CCR9: variants seen among roughly 807,000 people sequenced by gnomAD.
CCR9 encodes C-C chemokine receptor type 9.
CCR9 carries 4 observed loss-of-function variants against 8.7 expected under a neutral mutation model. That is an observed-to-expected ratio of 0.46 (90% confidence interval 0.23 to 1.06). The LOEUF (loss-of-function observed/expected upper bound fraction) is 1.06, where lower values mean the gene tolerates loss of function less well. Among genes scored for constraint, CCR9 ranks in the 50% least tolerant of loss-of-function variants. CCR9 has a pLI of 0.21. For missense variants in CCR9, 394 were observed against 453.6 expected, an observed-to-expected ratio of 0.87 and a Z score of 1.19; for synonymous variants, 159 against 168.8, an observed-to-expected ratio of 0.94 and a Z score of 0.45.
At chr3:45,891,779 G>A (rs1404274941) in intron 1 of CCR9, among the ~76,000 whole-genome samples, 1 of 152,088 alleles carries the variant, frequency 6.6e-6, no homozygotes, top group East Asian at 1.9e-4. Flanking sequence ...ACCTGAGATG[G>A]TTTCTCAGTT....
At chr3:45,896,234 C>T (rs1334748019) in intron 2 of CCR9, among the ~76,000 whole-genome samples, 1 of 152,242 alleles carries the variant, frequency 6.6e-6, no homozygotes, top group Non-Finnish European at 1.5e-5. Flanking sequence ...GCCAGGGCTG[C>T]TTCTGAGCTT....
intron 2 of CCR9, chr3:45,897,660 G>C (rs1402967060): frequency 6.7e-7 from 1 of 1,492,254 alleles, no homozygotes; most frequent in Non-Finnish European, 9.0e-7. Flanking sequence ...AAGTGATGCT[G>C]GCCTTCCCAC....
At chr3:45,886,946 G>A (rs914816522) in intron 1 of CCR9, among the ~76,000 whole-genome samples, 1 of 152,188 alleles carries the variant, frequency 6.6e-6, no homozygotes, top group Non-Finnish European at 1.5e-5. Context: ...GGTGCTGGGG[G>A]ACAAGATGGT....
chr3:45,892,857 A>G (rs1277910714), intron 1 of CCR9, among the ~76,000 whole-genome samples: 1 of 152,168 alleles, frequency 6.6e-6, no homozygotes, highest in Admixed American at 6.5e-5. Context: ...TACCAGGAGG[A>G]AGTTCTGGTT....
intron 2 of CCR9, chr3:45,897,444 C>T (rs985433680): frequency 1.2e-4 from 90 of 720,462 alleles, no homozygotes; most frequent in Admixed American, 3.9e-4. Context: ...ACACAATGTC[C>T]TTGTCTGGGA....
intron 1 of CCR9, among the ~76,000 whole-genome samples, chr3:45,889,233 C>T (rs1702071744): frequency 6.6e-6 from 1 of 152,204 alleles, no homozygotes; most frequent in African/African-American, 2.4e-5. Context: ...GATGCTCCCA[C>T]CTCAGCCTCC....
intron 2 of CCR9, 143 bp downstream of exon 2, chr3:45,895,097 C>T: frequency 1.1e-6 from 1 of 871,688 alleles, no homozygotes; most frequent in Non-Finnish European, 1.9e-6. Context: ...ATGCGCATTG[C>T]TGGGTAGGTT....
rs192956180 is a variant in CCR9, at chr3:45,895,437, G to A, written c.21+483G>A. On this transcript the variant is annotated intron_variant, in intron 2 of 2. Coordinates refer to ENST00000357632, the MANE Select transcript of CCR9 (RefSeq NM_031200.3). ...CAAAAATTAGTGAGTCAGTCTGGGCGTGGTAGCTCACGCCTGTAATCCCAG... is the reference window on the plus strand; with the variant it reads ...CAAAAATTAGTGAGTCAGTCTGGGCATGGTAGCTCACGCCTGTAATCCCAG... 1.1e-3 allele frequency among the ~76,000 whole-genome samples: 167 copies of A among 152,336 alleles called. 1 individual carries two copies. Among genetic ancestry groups the A allele is most frequent in the Non-Finnish European group, 9.6e-4 (65 of 68,032 alleles).
rs551519522 is a variant in CCR9, at chr3:45,891,980, G to A, written c.-28-2926G>A. 2.0e-5 allele frequency among the ~76,000 whole-genome samples: 3 copies of A among 152,214 alleles called. No homozygotes were observed. In the South Asian group the frequency reaches 6.2e-4, roughly 32 times the overall value. On this transcript the variant is annotated intron_variant, in intron 1 of 2. Coordinates refer to ENST00000357632, the MANE Select transcript of CCR9 (RefSeq NM_031200.3). Reference sequence around the variant, plus strand: ...TGGTTTGCTTCCATGTTGGTGGTATGGGGTTTGAAGACCAACTTAGCTGGT... The same window carrying A: ...TGGTTTGCTTCCATGTTGGTGGTATAGGGTTTGAAGACCAACTTAGCTGGT...
chr3:45,900,194 G>A lies in CCR9; in HGVS notation c.22-616G>A, dbSNP rs1190395513. On this transcript the variant is annotated intron_variant, in intron 2 of 2. Transcript: ENST00000357632. This position sits in a 1 kb window ranked among gnomAD's most constrained non-coding sequence, Gnocchi z 4.7. ...AAATTCCTAATAATTTTTGGACCAC[G>A]GGTCCTGCTAACTATAGAGCAGGTC... Among the ~76,000 whole-genome samples, 8 of 152,004 alleles carry A rather than the reference G, an allele frequency of 5.3e-5. No individual in the cohort carries two copies. Among genetic ancestry groups the A allele is most frequent in the South Asian group, 2.1e-4 (1 of 4,818 alleles).
intron 2 of CCR9, among the ~76,000 whole-genome samples, chr3:45,897,975 C>CAA (rs72284250): frequency 0.018 from 1,865 of 105,872 alleles, 38 homozygotes; most frequent in Non-Finnish European, 0.023. Context: ...GCTATTTGAC[C>CAA]AAAAAAAAAA....
At chr3:45,889,404 C>A (rs569816156) in intron 1 of CCR9, among the ~76,000 whole-genome samples, 2 of 152,044 alleles carry the variant, frequency 1.3e-5, no homozygotes, top group African/African-American at 4.8e-5. Context: ...GCTCTTTCTG[C>A]GGTAGCTGGA....
Position 45,900,050 on chromosome 3 carries a change from A to G in CCR9, c.22-760A>G, listed in dbSNP as rs1275123650. ...GCAAGTGCATGTATTATGTGTATGCATGTACATATGAGTGTGTGTGCTTGT... is the reference window on the plus strand; with the variant it reads ...GCAAGTGCATGTATTATGTGTATGCGTGTACATATGAGTGTGTGTGCTTGT... On this transcript the variant is annotated intron_variant, in intron 2 of 2. Transcript: ENST00000357632. This position sits in a 1 kb window ranked among gnomAD's most constrained non-coding sequence, Gnocchi z 4.7. 6.6e-6 allele frequency among the ~76,000 whole-genome samples: 1 copy of G among 152,196 alleles called. No individual in the cohort carries two copies. The highest frequency in any genetic ancestry group is 1.5e-5 in the Non-Finnish European group (1 of 68,036).
intron 2 of CCR9, among the ~76,000 whole-genome samples, chr3:45,896,363 G>A (rs563262531): frequency 1.6e-4 from 24 of 152,318 alleles, no homozygotes; most frequent in African/African-American, 5.1e-4. Flanking sequence ...GGAGTCTGGC[G>A]CCATCTAAAT....
rs1197978093 is a variant in CCR9, at chr3:45,900,725, G to C, written c.22-85G>C. 4 of 1,397,156 alleles carry C rather than the reference G, an allele frequency of 2.9e-6. No individual in the cohort carries two copies. In the African/African-American group the frequency reaches 5.7e-5, roughly 20 times the overall value. 86.5% of individuals were successfully genotyped at this position (1,397,156 alleles called of 1,614,324 possible). ...TTATCATAGGTGTTTGGGGTTGGAA[G>C]GGTCAAGAGGTCCATGCCTCTGCCA... On this transcript the variant is annotated intron_variant, in intron 2 of 2. Coordinates refer to ENST00000357632, the MANE Select transcript of CCR9 (RefSeq NM_031200.3). The surrounding 1 kb of genome is among the most constrained non-coding windows in gnomAD (Gnocchi z 4.7).
chr3:45,898,765 C>T (rs774912317), intron 2 of CCR9, among the ~76,000 whole-genome samples: 1 of 152,228 alleles, frequency 6.6e-6, no homozygotes, highest in Non-Finnish European at 1.5e-5. Context: ...CAAACACACA[C>T]ACAACAGGTT....
In CCR9 at chr3:45,901,451, G is replaced by A. The variant is rs1702554792; in HGVS notation, c.663G>A (p.Leu221=). The A allele has an allele frequency of 3.7e-6, 6 of 1,614,100 alleles. No individual in the cohort carries two copies. Among genetic ancestry groups the A allele is most frequent in the Non-Finnish European group, 5.1e-6 (6 of 1,180,014 alleles). Residue 221 remains leucine (L), a synonymous_variant, in exon 3 of 3, where the codon CTG becomes CTA. Transcript: ENST00000357632. The surrounding 1 kb of genome is among the most constrained non-coding windows in gnomAD (Gnocchi z 4.3). The part of the protein sequence containing the change: ...KSAVLTLKVI[L]GFFLPFVVMA... ...CTGTCTTGACCCTGAAGGTCATTCT[G>A]GGGTTCTTCCTTCCCTTCGTGGTCA...
chr3:45,887,859 G>A (rs1364262849), intron 1 of CCR9, among the ~76,000 whole-genome samples: 3 of 152,188 alleles, frequency 2.0e-5, no homozygotes, highest in East Asian at 1.9e-4. Flanking sequence ...ACCCTGCCTC[G>A]TGTAGGGAAC....
intron 2 of CCR9, 165 bp downstream of exon 2, chr3:45,895,119 C>T: frequency 1.4e-6 from 1 of 732,184 alleles, no homozygotes; most frequent in South Asian, 1.6e-5. Flanking sequence ...TTGTCCAGCA[C>T]AGAGGGTTTT....
Sources: allele counts gnomAD v4.1 joint callset (sites outside exome capture counted in the v4.1 genomes callset), GRCh38; gene constraint gnomAD v4.1.1; non-coding constraint Gnocchi (gnomAD v3.1); transcripts MANE v1.5; gene names NCBI Gene and HGNC (gene_info 2026-07-23, HGNC 2026-07-21).